NRCAM: variants seen among roughly 807,000 people sequenced by gnomAD.
The protein encoded by NRCAM is NgCAM-related cell adhesion molecule.
In NRCAM, 83 loss-of-function variants were observed where a neutral mutation model predicts 156.5. The ratio of observed to expected loss-of-function variants is 0.53; its 90% CI spans 0.44 to 0.64. The LOEUF (loss-of-function observed/expected upper bound fraction) is 0.64. Among genes scored for constraint, NRCAM ranks in the 30% least tolerant of loss-of-function variants. The pLI is 0.00. For synonymous variants in NRCAM, 538 were observed against 563.9 expected, an observed-to-expected ratio of 0.95 and a Z score of 0.65; for missense variants, 1,417 against 1,597.3, an observed-to-expected ratio of 0.89 and a Z score of 1.92.
At chr7:108,270,207 A>G (rs1053363160) in intron 3 of NRCAM, among the ~76,000 whole-genome samples, 1 of 152,242 alleles carries the variant, frequency 6.6e-6, no homozygotes, top group Non-Finnish European at 1.5e-5. Flanking sequence ...AGACTCAAAA[A>G]TAATTCAGTA....
chr7:108,218,180 G>GC (rs1310392730), intron 11 of NRCAM, among the ~76,000 whole-genome samples: 2 of 151,750 alleles, frequency 1.3e-5, no homozygotes, highest in African/African-American at 2.4e-5. Flanking sequence ...GGCTGGGGGG[G>GC]GGGGGGAGTT....
intron 30 of NRCAM, among the ~76,000 whole-genome samples, chr7:108,161,566 C>A (rs2049009404): frequency 6.6e-6 from 1 of 152,110 alleles, no homozygotes; most frequent in Non-Finnish European, 1.5e-5. Flanking sequence ...TATAAGCATG[C>A]TTATATCATG....
chr7:108,306,277 A>G (rs2098713402), intron 3 of NRCAM, among the ~76,000 whole-genome samples: 1 of 152,242 alleles, frequency 6.6e-6, no homozygotes, highest in Non-Finnish European at 1.5e-5. Context: ...ACTTCTTTAT[A>G]TAATGGCTTC....
intron 1 of NRCAM, among the ~76,000 whole-genome samples, chr7:108,419,295 C>T (rs1806052651): frequency 6.6e-6 from 1 of 152,138 alleles, no homozygotes; most frequent in Non-Finnish European, 1.5e-5. Context: ...CTTCGTTACC[C>T]TGACCAGCTC....
rs10665036 is a variant in NRCAM, at chr7:108,300,160, C to CTTTTT, written c.-107+12500_-107+12504dup. On this transcript the variant is annotated intron_variant, in intron 3 of 32. Transcript: ENST00000379028. ...TAATCCTTCCCCAAATTTCTGTTGA[C>CTTTTT]TTTTTTTTTTTTTTTTTTTTTTTTT... Among the ~76,000 whole-genome samples the CTTTTT allele has an allele frequency of 1.1e-3, 72 of 65,850 alleles. 2 individuals are homozygous for CTTTTT. The highest frequency in any genetic ancestry group is 2.8e-3 in the African/African-American group (49 of 17,650). The allele number at this position is 65,850 out of a possible 152,430, so 43.2% of individuals were successfully genotyped here.
chr7:108,198,564 C>T (rs965508393), intron 13 of NRCAM, among the ~76,000 whole-genome samples: 2 of 151,960 alleles, frequency 1.3e-5, no homozygotes, highest in South Asian at 2.1e-4. Flanking sequence ...AAAACATTGC[C>T]GTGTTCAAGA....
chr7:108,449,205 T>C (rs1598477359), intron 1 of NRCAM, among the ~76,000 whole-genome samples: 2 of 152,220 alleles, frequency 1.3e-5, no homozygotes, highest in African/African-American at 4.8e-5. Context: ...GCCATCCAGC[T>C]CTATGTAGGT....
At chr7:108,370,916 C>T (rs891121090) in intron 2 of NRCAM, among the ~76,000 whole-genome samples, 2 of 152,126 alleles carry the variant, frequency 1.3e-5, no homozygotes, top group Admixed American at 1.3e-4. Context: ...GTTCTACTTA[C>T]ATCTGCCTCC....
chr7:108,354,979 C>A (rs1325096405), intron 2 of NRCAM, among the ~76,000 whole-genome samples: 2 of 151,890 alleles, frequency 1.3e-5, no homozygotes, highest in African/African-American at 4.8e-5. Context: ...TACAAACTAT[C>A]CAGGAATAAA....
intron 3 of NRCAM, among the ~76,000 whole-genome samples, chr7:108,290,155 TGTCA>T (rs1373813767): frequency 6.6e-6 from 1 of 152,202 alleles, no homozygotes; most frequent in Non-Finnish European, 1.5e-5. Flanking sequence ...CCAATAAATT[TGTCA>T]GTTAGAAAAA....
At chr7:108,392,898 A>C (rs551899943) in intron 2 of NRCAM, among the ~76,000 whole-genome samples, 1 of 152,264 alleles carries the variant, frequency 6.6e-6, no homozygotes, top group Admixed American at 6.5e-5. Flanking sequence ...CAGAACAGCA[A>C]ATGTTGCTGC....
chr7:108,168,164 A>G, intron 29 of NRCAM, 113 bp downstream of exon 29: 1 of 1,131,890 alleles, frequency 8.8e-7, no homozygotes. Context: ...CATTCATTTA[A>G]TTGGATCAAG....
At chr7:108,315,275 T>C (rs1364340286) in intron 2 of NRCAM, among the ~76,000 whole-genome samples, 1 of 152,158 alleles carries the variant, frequency 6.6e-6, no homozygotes, top group Non-Finnish European at 1.5e-5. Context: ...TTTTTTTTCT[T>C]AATTTCCTGC....
chr7:108,180,688 C>T (rs1450322407), intron 24 of NRCAM, among the ~76,000 whole-genome samples: 2 of 152,172 alleles, frequency 1.3e-5, no homozygotes, highest in African/African-American at 4.8e-5. Flanking sequence ...GAAAACAGCA[C>T]GAGACCCATG....
intron 1 of NRCAM, among the ~76,000 whole-genome samples, chr7:108,424,841 T>A (rs537791478): frequency 6.6e-6 from 1 of 152,304 alleles, no homozygotes; most frequent in Admixed American, 6.5e-5. Context: ...TAATAGAATA[T>A]ATATGAAATA....
chr7:108,221,792 A>G (rs138707345), intron 11 of NRCAM, among the ~76,000 whole-genome samples: 2,045 of 152,210 alleles, frequency 0.013, 38 homozygotes, highest in African/African-American at 0.047. Flanking sequence ...CTCACAAATC[A>G]CCACTAAATA....
intron 2 of NRCAM, among the ~76,000 whole-genome samples, chr7:108,334,340 A>G (rs2099157279): frequency 6.6e-6 from 1 of 152,200 alleles, no homozygotes; most frequent in African/African-American, 2.4e-5. Flanking sequence ...ATTAGCATCT[A>G]TTACCCACAG....
At chr7:108,374,378 T>C (rs540111476) in intron 2 of NRCAM, among the ~76,000 whole-genome samples, 5 of 149,374 alleles carry the variant, frequency 3.3e-5, no homozygotes, top group Non-Finnish European at 7.4e-5. Context: ...ATCATTTCAA[T>C]GACCAAATTA....
intron 2 of NRCAM, among the ~76,000 whole-genome samples, chr7:108,351,870 A>G (rs190008854): frequency 6.6e-6 from 1 of 152,266 alleles, no homozygotes; most frequent in East Asian, 1.9e-4. Flanking sequence ...CAAACACTAC[A>G]GTGCAATTAT....
Sources: allele counts gnomAD v4.1 joint callset (sites outside exome capture counted in the v4.1 genomes callset), GRCh38; gene constraint gnomAD v4.1.1; transcripts MANE v1.5; gene names NCBI Gene and HGNC (gene_info 2026-07-23, HGNC 2026-07-21).